Variants in LAMA1 observed in about 807,000 individuals in gnomAD.
LAMA1 encodes laminin subunit alpha 1.
Under a neutral mutation model 348.7 loss-of-function variants are expected in LAMA1, and 219 were observed. That is an observed-to-expected ratio of 0.63 (90% CI 0.56 to 0.70). LAMA1 has a LOEUF of 0.70. Ranked by LOEUF, LAMA1 falls within the 30% of genes least tolerant of loss-of-function variation. The pLI is 0.00. For synonymous variants in LAMA1, 1,487 were observed against 1,491.0 expected, an observed-to-expected ratio of 1.00 and a Z score of 0.06; for missense variants, 3,744 against 3,888.0, an observed-to-expected ratio of 0.96 and a Z score of 0.99.
At chr18:7,081,180 AGGCGAGAGTATG>A (rs1327096623) in intron 1 of LAMA1, among the ~76,000 whole-genome samples, 3 of 152,122 alleles carry the variant, frequency 2.0e-5, no homozygotes, top group Non-Finnish European at 4.4e-5. Flanking sequence ...AAAAAAACCA[AGGCGAGAGTATG>A]GGTGTTCACT....
chr18:7,112,244 C>T (rs1050421007), intron 1 of LAMA1, among the ~76,000 whole-genome samples: 3 of 152,052 alleles, frequency 2.0e-5, no homozygotes, highest in African/African-American at 4.8e-5. Flanking sequence ...GGACAAGTTG[C>T]AAGGTGAAAA....
chr18:6,981,045 G>A (rs1415160275), intron 41 of LAMA1, among the ~76,000 whole-genome samples: 1 of 151,828 alleles, frequency 6.6e-6, no homozygotes, highest in Non-Finnish European at 1.5e-5. Flanking sequence ...GGAACTTGCA[G>A]TGAGCTGAGA....
Position 7,040,060 on chromosome 18 carries a change from T to C in LAMA1, c.1422+16A>G, listed in dbSNP as rs377207337. 3.0e-5 allele frequency: 49 copies of C among 1,613,462 alleles called. No individual in the cohort carries two copies. The highest frequency in any genetic ancestry group is 4.0e-5 in the Non-Finnish European group (47 of 1,179,906). On this transcript the variant is annotated intron_variant, in intron 10 of 62. Transcript: ENST00000389658. Reference sequence around the variant, plus strand: ...CTCAAAGGAAGCTCAGGGGTGTCTCTGACCTCCCCACTTACCTTACAAACA... The same window carrying C: ...CTCAAAGGAAGCTCAGGGGTGTCTCCGACCTCCCCACTTACCTTACAAACA...
At chr18:7,024,279 A>T in intron 18 of LAMA1, 101 bp downstream of exon 18, 1 of 861,302 alleles carries the variant, frequency 1.2e-6, no homozygotes, top group Non-Finnish European at 1.9e-6. Context: ...ACAATTATGC[A>T]TCAAAACTCC....
intron 1 of LAMA1, among the ~76,000 whole-genome samples, chr18:7,091,718 G>GT (rs2058240497): frequency 2.6e-5 from 4 of 152,206 alleles, no homozygotes; most frequent in African/African-American, 9.6e-5. Flanking sequence ...CTGTTGAAAT[G>GT]TTTAATAATT....
At chr18:7,023,544 T>C (rs888109563) in intron 18 of LAMA1, among the ~76,000 whole-genome samples, 169 bp from the exon 19 acceptor site, 1 of 152,182 alleles carries the variant, frequency 6.6e-6, no homozygotes, top group Non-Finnish European at 1.5e-5. Context: ...CTCCTTCACC[T>C]GTCGCGGTGA....
chr18:6,968,535 G>T (rs544498111), intron 48 of LAMA1, among the ~76,000 whole-genome samples: 1 of 152,180 alleles, frequency 6.6e-6, no homozygotes, highest in Non-Finnish European at 1.5e-5. Context: ...CAGAGGGCCC[G>T]GAACGCAGGT....
rs545258446 is a variant in LAMA1, at chr18:7,070,821, T to C, written c.345+9154A>G. On this transcript the variant is annotated intron_variant, in intron 3 of 62. Transcript: ENST00000389658. ...ACATTTTTACTCACAAATCTGACCCTCACTCCCACTGAAATGTTCTCCGGC... is the reference window on the plus strand; with the variant it reads ...ACATTTTTACTCACAAATCTGACCCCCACTCCCACTGAAATGTTCTCCGGC... 7.9e-5 allele frequency among the ~76,000 whole-genome samples: 12 copies of C among 151,132 alleles called. No homozygotes were observed. The East Asian group carries it at 2.4e-3, about 30-fold the overall frequency.
chr18:7,049,676 C>T (rs1054583223), intron 4 of LAMA1, among the ~76,000 whole-genome samples: 2 of 152,142 alleles, frequency 1.3e-5, no homozygotes, highest in Admixed American at 6.6e-5. Context: ...GAGATACCAT[C>T]TAAAATCAAA....
Position 6,999,969 on chromosome 18 carries a change from C to T in LAMA1, c.4411G>A (p.Asp1471Asn), listed in dbSNP as rs769804048. 3.1e-6 allele frequency: 5 copies of T among 1,613,850 alleles called. No individual in the cohort carries two copies. Among genetic ancestry groups the T allele is most frequent in the Non-Finnish European group, 4.2e-6 (5 of 1,179,892 alleles). The change falls in exon 31 of 63, where the codon GAC becomes AAC. Residue 1471 changes from aspartate (D) to asparagine (N), a missense_variant. Transcript: ENST00000389658. ...SFSPTCVLEG[D>N]HDFRCDACLL... ...CAGGCGTCACAACGGAAATCGTGGT[C>T]CCCTTCCAAGACACAAGTGGGACTA...
At chr18:7,076,782 G>A (rs980416239) in intron 3 of LAMA1, 3 of 152,130 alleles carry the variant, frequency 2.0e-5, no homozygotes, top group Non-Finnish European at 4.4e-5. Flanking sequence ...AAATGGTATG[G>A]TATCTAATCA....
At chr18:7,000,127 A>C (rs2057801235) in intron 30 of LAMA1, 130 bp from the exon 31 acceptor site, 4 of 702,056 alleles carry the variant, frequency 5.7e-6, no homozygotes, top group Non-Finnish European at 1.0e-5. Flanking sequence ...AGCTTTTTAG[A>C]GCTTACAATC....
At chr18:7,097,515 T>C (rs1375814833) in intron 1 of LAMA1, among the ~76,000 whole-genome samples, 1 of 150,920 alleles carries the variant, frequency 6.6e-6, no homozygotes, top group African/African-American at 2.4e-5. Flanking sequence ...TTTTTTTTTT[T>C]TTTGTAGAAA....
chr18:7,044,811 G>GT lies in LAMA1; in HGVS notation c.886dup (p.Thr296AsnfsTer7). 6.2e-7 allele frequency: 1 copy of GT among 1,614,102 alleles called. No individual in the cohort carries two copies. Among genetic ancestry groups the GT allele is most frequent in the South Asian group, 1.1e-5 (1 of 91,076 alleles). ...GCACCTGTTACAGCTCTCCCCGCAAGTATTATGCTCACATTGACACTGCAG... is the reference window on the plus strand; with the variant it reads ...GCACCTGTTACAGCTCTCCCCGCAAGTTATTATGCTCACATTGACACTGCAG... On this transcript the variant is annotated frameshift_variant, in exon 7 of 63. Coordinates refer to ENST00000389658, the MANE Select transcript of LAMA1 (RefSeq NM_005559.4). LOFTEE classifies it high-confidence loss of function.
chr18:7,090,389 C>T (rs898407213), intron 1 of LAMA1, among the ~76,000 whole-genome samples: 2 of 152,086 alleles, frequency 1.3e-5, no homozygotes, highest in Non-Finnish European at 2.9e-5. Context: ...AAAGAGATCT[C>T]TAACACCTGG....
chr18:7,010,851 A>G (rs1415275331), intron 25 of LAMA1, among the ~76,000 whole-genome samples: 1 of 152,234 alleles, frequency 6.6e-6, no homozygotes, highest in Non-Finnish European at 1.5e-5. Context: ...CTCCCAGGCC[A>G]TAGCACCTAG....
At chr18:7,084,883 C>T (rs747018899) in intron 1 of LAMA1, among the ~76,000 whole-genome samples, 16 of 152,210 alleles carry the variant, frequency 1.1e-4, no homozygotes, top group Admixed American at 2.0e-4. Context: ...TCTTCCCTGT[C>T]TTAAAACCAA....
At chr18:7,021,168 A>G (rs1038862285) in intron 19 of LAMA1, among the ~76,000 whole-genome samples, 8 of 152,060 alleles carry the variant, frequency 5.3e-5, no homozygotes, top group Admixed American at 2.0e-4. Flanking sequence ...CAGGTCTCAG[A>G]TGAACAGCAC....
chr18:7,073,430 C>G (rs1195326894), intron 3 of LAMA1, among the ~76,000 whole-genome samples: 5 of 152,188 alleles, frequency 3.3e-5, no homozygotes, highest in Non-Finnish European at 5.9e-5. Context: ...CCTCCCAGCT[C>G]CTGGCAACCA....
Sources: gnomAD v4.1 joint callset for allele counts (sites outside exome capture counted in the v4.1 genomes callset) on GRCh38, gnomAD v4.1.1 for gene constraint, MANE v1.5 for transcripts, NCBI Gene and HGNC (gene_info 2026-07-23, HGNC 2026-07-21) for gene names.